The following MRPS21 variants were observed in gnomAD, a reference collection of about 807,000 sequenced individuals.
MRPS21 encodes small ribosomal subunit protein bS21m.
A neutral mutation model predicts 9.9 loss-of-function variants in MRPS21; 8 were observed. That is an observed-to-expected ratio of 0.81 (90% confidence interval 0.47 to 1.45). The LOEUF (loss-of-function observed/expected upper bound fraction) is 1.45, where lower values mean the gene tolerates loss of function less well. Among genes scored for constraint, MRPS21 ranks in the 40% most tolerant of loss-of-function variants. The pLI is 0.00. For missense variants in MRPS21, 101 were observed against 118.9 expected, an observed-to-expected ratio of 0.85 and a Z score of 0.70; for synonymous variants, 40 against 40.3, an observed-to-expected ratio of 0.99 and a Z score of 0.03.
intron 2 of MRPS21, among the ~76,000 whole-genome samples, chr1:150,299,816 C>G (rs587649861): frequency 2.0e-5 from 3 of 152,136 alleles, no homozygotes; most frequent in South Asian, 4.1e-4. Flanking sequence ...AACCTATTTC[C>G]TGGGTCGAAG....
At chr1:150,302,716 G>A (rs1391147821) in intron 2 of MRPS21, among the ~76,000 whole-genome samples, 1 of 152,162 alleles carries the variant, frequency 6.6e-6, no homozygotes, top group Admixed American at 6.6e-5. Flanking sequence ...GGAAGCAGAA[G>A]GAAGCATCAT....
chr1:150,307,587 T>C (rs782126829), intron 2 of MRPS21, among the ~76,000 whole-genome samples: 9 of 151,940 alleles, frequency 5.9e-5, no homozygotes, highest in Non-Finnish European at 1.3e-4. Flanking sequence ...ATATTTTTTT[T>C]CTTTTTTGAG....
chr1:150,297,063 G>A (rs1454160358), intron 2 of MRPS21, among the ~76,000 whole-genome samples: 3 of 152,010 alleles, frequency 2.0e-5, no homozygotes, highest in Non-Finnish European at 4.4e-5. Context: ...AGGCCAAGGC[G>A]GGCGGATCAC....
At chr1:150,301,611 TTC>T (rs1388328014) in intron 2 of MRPS21, among the ~76,000 whole-genome samples, 1 of 109,502 alleles carries the variant, frequency 9.1e-6, no homozygotes, top group East Asian at 2.8e-4. Context: ...TAGAATAATT[TTC>T]TTTTTCCTTT....
intron 2 of MRPS21, among the ~76,000 whole-genome samples, chr1:150,295,413 T>G (rs1553856355): frequency 6.6e-6 from 1 of 152,204 alleles, no homozygotes; most frequent in Non-Finnish European, 1.5e-5. Flanking sequence ...TTTTTGTATT[T>G]TCTGTACAGA....
At chr1:150,301,567 G>A (rs1266298210) in intron 2 of MRPS21, among the ~76,000 whole-genome samples, 1 of 152,100 alleles carries the variant, frequency 6.6e-6, no homozygotes, top group East Asian at 1.9e-4. Context: ...ATAGCTTCGC[G>A]GGGCAGGGGG....
At chr1:150,300,252 A>C (rs1280097601) in intron 2 of MRPS21, among the ~76,000 whole-genome samples, 1 of 152,014 alleles carries the variant, frequency 6.6e-6, no homozygotes, top group Non-Finnish European at 1.5e-5. Flanking sequence ...CTGAGGCAGG[A>C]GAATCGCTTG....
At chr1:150,303,027 T>G (rs1654204826) in intron 2 of MRPS21, among the ~76,000 whole-genome samples, 1 of 152,184 alleles carries the variant, frequency 6.6e-6, no homozygotes, top group Non-Finnish European at 1.5e-5. Flanking sequence ...TGTTATTCTT[T>G]TTCCTTGTCT....
rs925397358 is a variant in MRPS21 at position 150,303,638 on chromosome 1, G to A, written c.84-4410G>A. On this transcript the variant is annotated intron_variant, in intron 2 of 2. Coordinates refer to ENST00000614145, the MANE Select transcript of MRPS21 (RefSeq NM_031901.6). The stretch of plus-strand genomic sequence containing the variant: ...ATAGTTCCATTTTGTGATCTTGGGC[G>A]GGTCAGCCTCTCTGAACTTCAGTTT... Among the ~76,000 whole-genome samples, 13 of 152,256 alleles carry A rather than the reference G, an allele frequency of 8.5e-5. 1 individual carries two copies. The South Asian group carries it at 2.5e-3, about 29-fold the overall frequency.
chr1:150,299,969 C>T (rs1654057999), intron 2 of MRPS21, among the ~76,000 whole-genome samples: 1 of 152,028 alleles, frequency 6.6e-6, no homozygotes. Context: ...TCAGAATCTC[C>T]AGGGGTTGCA....
intron 2 of MRPS21, chr1:150,305,142 A>T (rs1314086152): frequency 1.4e-5 from 3 of 209,198 alleles, no homozygotes; most frequent in African/African-American, 7.2e-5. Flanking sequence ...CATTTCTCCC[A>T]TTCTCCCATG....
chr1:150,295,278 A>C (rs1653875165), intron 2 of MRPS21, among the ~76,000 whole-genome samples: 1 of 152,084 alleles, frequency 6.6e-6, no homozygotes, highest in Admixed American at 6.5e-5. Context: ...TTACAGGCGT[A>C]AGCCACAGCG....
chr1:150,294,177 C>G (rs782127790), intron 1 of MRPS21, 158 bp from the exon 2 acceptor site: 18 of 552,722 alleles, frequency 3.3e-5, no homozygotes, highest in Middle Eastern at 5.1e-4. Flanking sequence ...TAAGAGACAA[C>G]GATTCACGTC....
chr1:150,300,225 C>A (rs1486083975), intron 2 of MRPS21, among the ~76,000 whole-genome samples: 3 of 152,152 alleles, frequency 2.0e-5, no homozygotes, highest in Non-Finnish European at 4.4e-5. Context: ...TACCTGTAAT[C>A]CCAGCTATTC....
intron 2 of MRPS21, among the ~76,000 whole-genome samples, chr1:150,306,897 A>C (rs1443827766): frequency 6.6e-6 from 1 of 152,152 alleles, no homozygotes; most frequent in Non-Finnish European, 1.5e-5. Flanking sequence ...ATGCCCCATT[A>C]GTTGAGAATC....
chr1:150,294,599 C>T (rs1572141108), intron 2 of MRPS21, 150 bp downstream of exon 2: 4 of 714,086 alleles, frequency 5.6e-6, no homozygotes, highest in Non-Finnish European at 9.4e-6. Flanking sequence ...AGTTTATTAT[C>T]TTAAAAATGA....
In MRPS21 at chr1:150,305,129, A is replaced by C. The variant is rs587732711; in HGVS notation, c.84-2919A>C. ...ACTGCAGTCTCAACCTCCTGGGATAAAGCATTTCTCCCATTCTCCCATGTC... is the reference window on the plus strand; with the variant it reads ...ACTGCAGTCTCAACCTCCTGGGATACAGCATTTCTCCCATTCTCCCATGTC... On this transcript the variant is annotated intron_variant, in intron 2 of 2. Coordinates refer to ENST00000614145, the MANE Select transcript of MRPS21 (RefSeq NM_031901.6). 155 of 226,520 alleles carry C rather than the reference A, an allele frequency of 6.8e-4. 2 individuals are homozygous for C. Among genetic ancestry groups the C allele is most frequent in the South Asian group, 4.8e-3 (114 of 23,966 alleles). The allele number at this position is 226,520 out of a possible 1,614,324, so 14.0% of individuals were successfully genotyped here.
intron 2 of MRPS21, chr1:150,304,013 C>T (rs757113138): frequency 7.2e-6 from 3 of 417,684 alleles, no homozygotes; most frequent in Non-Finnish European, 1.5e-5. Flanking sequence ...TTGATCAGTG[C>T]TATAAAAGAG....
chr1:150,296,764 A>T (rs56965166), intron 2 of MRPS21, among the ~76,000 whole-genome samples: 7,193 of 152,016 alleles, frequency 0.047, 430 homozygotes, highest in African/African-American at 0.13. Flanking sequence ...AATTATTACT[A>T]GTCTTACTAG....
Sources: gnomAD v4.1 joint callset for allele counts (sites outside exome capture counted in the v4.1 genomes callset) on GRCh38, gnomAD v4.1.1 for gene constraint, MANE v1.5 for transcripts, NCBI Gene and HGNC (gene_info 2026-07-23, HGNC 2026-07-21) for gene names.